Variants in SEPTIN2 observed in about 807,000 individuals in gnomAD.
SEPTIN2 encodes the protein septin-2.
In SEPTIN2, 34 loss-of-function variants were observed where a neutral mutation model predicts 46.5. The ratio of observed to expected loss-of-function variants is 0.73; its 90% confidence interval spans 0.56 to 0.97. SEPTIN2 has a LOEUF of 0.97. SEPTIN2 is among the 50% of genes least tolerant of loss of function. The probability of loss-of-function intolerance (pLI) is 0.00; values close to 1 mark genes in which losing one functional copy is unlikely to be tolerated. For synonymous variants in SEPTIN2, 175 were observed against 153.4 expected (o/e 1.14, Z -1.04); for missense variants, 347 against 448.4 (o/e 0.77, Z 2.04).
intron 4 of SEPTIN2, chr2:241,335,730 C>T: frequency 1.7e-6 from 1 of 574,918 alleles, no homozygotes; most frequent in Middle Eastern, 2.7e-4. Context: ...CTTTCTTTTT[C>T]CCAGGAACAG....
At chr2:241,347,661 C>G (rs1213767260) in intron 10 of SEPTIN2, among the ~76,000 whole-genome samples, 1 of 152,166 alleles carries the variant, frequency 6.6e-6, no homozygotes, top group Admixed American at 6.5e-5. Flanking sequence ...CTTGAATGTT[C>G]CATTTCATGT....
intron 8 of SEPTIN2, among the ~76,000 whole-genome samples, chr2:241,343,366 G>A (rs2081507068): frequency 6.6e-6 from 1 of 152,034 alleles, no homozygotes; most frequent in South Asian, 2.1e-4. Context: ...GGATGTGGTG[G>A]TGCACACCTG....
chr2:241,325,417 C>CTAGA (rs1290190741), intron 2 of SEPTIN2, among the ~76,000 whole-genome samples: 1 of 152,124 alleles, frequency 6.6e-6, no homozygotes, highest in African/African-American at 2.4e-5. Flanking sequence ...GTCTTTGACA[C>CTAGA]TAGATACTCA....
Position 241,323,174 on chromosome 2 carries a change from A to AT in SEPTIN2, c.-17-1026dup, listed in dbSNP as rs1189964295. Among the ~76,000 whole-genome samples, 781 of 140,638 alleles carry AT rather than the reference A, an allele frequency of 5.6e-3. 6 individuals carry two copies. Among genetic ancestry groups the AT allele is most frequent in the Middle Eastern group, 0.027 (7 of 262 alleles). The allele number at this position is 140,638 out of a possible 152,430, so 92.3% of individuals were successfully genotyped here. A position where few individuals can be genotyped will look rare whatever the true frequency, so the allele number is the denominator to read the frequency against. On this transcript the variant is annotated intron_variant, in intron 1 of 12. Coordinates refer to ENST00000391971, the MANE Select transcript of SEPTIN2 (RefSeq NM_004404.5). ...AGCCACTGCACCCAGCCACCATCTA[A>AT]TTTTTTTTTTTTTTTTAATGGAGTC...
At chr2:241,332,395 C>A (rs1198618005) in intron 3 of SEPTIN2, among the ~76,000 whole-genome samples, 1 of 152,064 alleles carries the variant, frequency 6.6e-6, no homozygotes, top group East Asian at 1.9e-4. Flanking sequence ...GGAAGATAAA[C>A]AAATAGCCAA....
At chr2:241,321,494 C>G (rs1297732892) in intron 1 of SEPTIN2, among the ~76,000 whole-genome samples, 3 of 152,030 alleles carry the variant, frequency 2.0e-5, no homozygotes, top group Non-Finnish European at 2.9e-5. Context: ...TATTTTTTAC[C>G]TTGTCCCTTT....
At chr2:241,322,464 G>A (rs12612905) in intron 1 of SEPTIN2, among the ~76,000 whole-genome samples, 24,459 of 151,558 alleles carry the variant, frequency 0.16, 2,436 homozygotes, top group East Asian at 0.4. Flanking sequence ...AAAATTAGCC[G>A]GGCATGGTGG....
chr2:241,337,692 G>A lies in SEPTIN2; in HGVS notation c.496G>A (p.Ala166Thr), dbSNP rs1265807885. 2 of 1,613,566 alleles carry A rather than the reference G, an allele frequency of 1.2e-6. No individual in the cohort carries two copies. The highest frequency in any genetic ancestry group is 2.7e-5 in the African/African-American group (2 of 74,846). The stretch of plus-strand genomic sequence containing the variant: ...TTTTAGACTTAAGCCCTTAGATGTG[G>A]CGTTTATGAAGGCAATACACAACAA... ...FGHGLKPLDV[A>T]FMKAIHNKVN... Residue 166 changes from alanine to threonine, a missense_variant, in exon 7 of 13, where the codon GCG becomes ACG. Transcript: ENST00000391971.
At chr2:241,349,045 A>G (rs2060532795) in intron 11 of SEPTIN2, among the ~76,000 whole-genome samples, 1 of 152,204 alleles carries the variant, frequency 6.6e-6, no homozygotes, top group Non-Finnish European at 1.5e-5. Flanking sequence ...TCATAATGAT[A>G]AGGATAAAGA....
intron 7 of SEPTIN2, among the ~76,000 whole-genome samples, chr2:241,338,088 T>C (rs1003332386): frequency 2.0e-5 from 3 of 152,180 alleles, no homozygotes; most frequent in African/African-American, 7.2e-5. Flanking sequence ...GACTCAAATA[T>C]AGAAATGTGA....
chr2:241,343,208 A>G (rs2081489177), intron 8 of SEPTIN2, 115 bp downstream of exon 8: 2 of 682,556 alleles, frequency 2.9e-6, no homozygotes, highest in Non-Finnish European at 5.2e-6. Context: ...TGCTTTCAAT[A>G]TATTTTAAGA....
chr2:241,338,932 TTTATTATATATATTA>T, intron 7 of SEPTIN2, among the ~76,000 whole-genome samples: 1 of 99,778 alleles, frequency 1.0e-5, no homozygotes, highest in East Asian at 2.5e-4. Context: ...TGTACATATA[TTTATTATATATATTA>T]TATATATAAT....
chr2:241,336,473 A>G, intron 5 of SEPTIN2: 1 of 193,344 alleles, frequency 5.2e-6, no homozygotes, highest in Non-Finnish European at 1.1e-5. Context: ...CATTGGCATC[A>G]TTTTCACAAA....
intron 7 of SEPTIN2, among the ~76,000 whole-genome samples, chr2:241,338,842 A>AT (rs1559643585): frequency 0.024 from 378 of 15,580 alleles, 4 homozygotes; most frequent in African/African-American, 0.052. Flanking sequence ...ATATATAATA[A>AT]ATATATAATA....
rs146187869 is a variant in SEPTIN2 at position 241,343,814 on chromosome 2, C to T, written c.759C>T (p.Val253=). The T allele has an allele frequency of 5.9e-4, 958 of 1,614,192 alleles. 20 individuals carry two copies. In the East Asian group the frequency reaches 0.02, roughly 34 times the overall value. The stretch of plus-strand genomic sequence containing the variant: ...TGATTGAAGCCAAAGGAAAGAAGGT[C>T]AGAGGCCGCCTCTACCCCTGGGGTG... ...NQLIEAKGKK[V]RGRLYPWGVV... is the part of the protein sequence containing the mutation. Residue 253 remains valine, a synonymous_variant, in exon 9 of 13, where the codon GTC becomes GTT. Coordinates refer to ENST00000391971, the MANE Select transcript of SEPTIN2 (RefSeq NM_004404.5).
rs2081455896 is a variant in SEPTIN2 at position 241,342,936 on chromosome 2, G to A, written c.595-56G>A. 4 of 856,608 alleles carry A rather than the reference G, an allele frequency of 4.7e-6. No individual in the cohort carries two copies. In the South Asian group the frequency reaches 6.1e-5, roughly 13 times the overall value. 53.1% of individuals were successfully genotyped at this position (856,608 alleles called of 1,614,324 possible). ...TTTCTTACAAGATGAGCTAGAATTG[G>A]CTACAATAACATACGCAGTTTGCTA... On this transcript the variant is annotated intron_variant, in intron 7 of 12. Transcript: ENST00000391971.
At position 241,334,190 on chromosome 2, in the gene SEPTIN2, AAG is replaced by A. The variant is rs534387952; in HGVS notation, c.131-932_131-931del. On this transcript the variant is annotated intron_variant, in intron 3 of 12. Coordinates refer to ENST00000391971, the MANE Select transcript of SEPTIN2 (RefSeq NM_004404.5). ...TGCCCAGCCAGAAATAATTTTTCAA[AAG>A]AGATGTGTACTCCTTCCTCATGCTT... 7.1e-3 allele frequency among the ~76,000 whole-genome samples: 1,077 copies of A among 152,174 alleles called. 3 individuals carry two copies. Among genetic ancestry groups the A allele is most frequent in the Non-Finnish European group, 0.011 (750 of 67,972 alleles).
intron 3 of SEPTIN2, among the ~76,000 whole-genome samples, chr2:241,332,420 G>A (rs967821389): frequency 6.6e-6 from 1 of 152,138 alleles, no homozygotes; most frequent in African/African-American, 2.4e-5. Context: ...CCCACATAAA[G>A]GTGTCCACAT....
chr2:241,316,061 C>G (rs1287436546), intron 1 of SEPTIN2, 79 bp downstream of exon 1: 1 of 156,956 alleles, frequency 6.4e-6, no homozygotes, highest in African/African-American at 2.4e-5. Flanking sequence ...GCCGCTCGTC[C>G]CATACTCTCG....
Sources: allele counts gnomAD v4.1 joint callset (sites outside exome capture counted in the v4.1 genomes callset), GRCh38; gene constraint gnomAD v4.1.1; transcripts MANE v1.5; gene names NCBI Gene and HGNC (gene_info 2026-07-23, HGNC 2026-07-21).